Variants in RARB observed in about 807,000 individuals in gnomAD.
The protein encoded by RARB is HBV-activated protein.
RARB carries 17 observed loss-of-function variants against 51.9 expected under a neutral mutation model. That is an observed-to-expected ratio of 0.33 (90% confidence interval 0.22 to 0.49). The LOEUF (loss-of-function observed/expected upper bound fraction) is 0.49. Ranked by LOEUF, RARB falls within the 20% of genes least tolerant of loss-of-function variation. The probability of loss-of-function intolerance (pLI) is 0.99; values close to 1 mark genes in which losing one functional copy is unlikely to be tolerated. For missense variants in RARB, 369 were observed against 550.8 expected (o/e 0.67, Z 3.30); for synonymous variants, 215 against 195.4 (o/e 1.10, Z -0.84).
chr3:25,381,504 T>C (rs559997995), intron 5 of RARB, among the ~76,000 whole-genome samples: 13 of 152,334 alleles, frequency 8.5e-5, no homozygotes, highest in African/African-American at 2.9e-4. Flanking sequence ...TTAAATCTGT[T>C]AGTATATTTA....
At chr3:25,510,379 T>A (rs929572606) in intron 3 of RARB, among the ~76,000 whole-genome samples, 1 of 152,182 alleles carries the variant, frequency 6.6e-6, no homozygotes, top group African/African-American at 2.4e-5. Context: ...ATCCCAGCAC[T>A]TTGGGAGGCT....
At chr3:24,888,619 A>G (rs1703311667) in intron 2 of RARB, among the ~76,000 whole-genome samples, 1 of 152,158 alleles carries the variant, frequency 6.6e-6, no homozygotes, top group Non-Finnish European at 1.5e-5. Flanking sequence ...AAAAAATTTA[A>G]CTGTATAATG....
chr3:24,877,129 G>A (rs1352481529), intron 2 of RARB, among the ~76,000 whole-genome samples: 1 of 151,976 alleles, frequency 6.6e-6, no homozygotes, highest in African/African-American at 2.4e-5. Flanking sequence ...GATGCACAAT[G>A]TAAAAGTAAT....
intron 3 of RARB, among the ~76,000 whole-genome samples, chr3:25,568,206 G>C (rs990027229): frequency 6.6e-6 from 1 of 152,126 alleles, no homozygotes; most frequent in Non-Finnish European, 1.5e-5. Context: ...TGTCTAGAAG[G>C]GTGTTCTCTT....
intron 2 of RARB, among the ~76,000 whole-genome samples, chr3:25,018,098 C>T (rs888413421): frequency 1.3e-5 from 2 of 152,154 alleles, no homozygotes; most frequent in African/African-American, 4.8e-5. Context: ...GTTATTGCAA[C>T]CCAAACAGAC....
chr3:24,842,750 A>C (rs1433118679), intron 1 of RARB, among the ~76,000 whole-genome samples: 1 of 152,234 alleles, frequency 6.6e-6, no homozygotes, highest in East Asian at 1.9e-4. Context: ...CCTTTCTTCC[A>C]AGAACTTAAG....
At chr3:25,448,607 G>A (rs746259865) in intron 1 of RARB, among the ~76,000 whole-genome samples, 7 of 152,020 alleles carry the variant, frequency 4.6e-5, no homozygotes, top group African/African-American at 9.6e-5. Context: ...AGCTGGGATT[G>A]CAGGCATGCA....
intron 3 of RARB, among the ~76,000 whole-genome samples, chr3:25,082,701 G>T (rs536965871): frequency 6.6e-6 from 1 of 152,082 alleles, no homozygotes; most frequent in East Asian, 1.9e-4. Context: ...TATTGCTTAT[G>T]ATTACCCACA....
chr3:25,473,925 A>AAAAAAAAAAAG (rs763479260), intron 2 of RARB, among the ~76,000 whole-genome samples: 1 of 150,394 alleles, frequency 6.6e-6, no homozygotes, highest in Non-Finnish European at 1.5e-5. Flanking sequence ...TGGCAGGAAA[A>AAAAAAAAAAAG]AAAAAAAACC....
intron 3 of RARB, among the ~76,000 whole-genome samples, chr3:25,504,845 C>T (rs144551189): frequency 0.01 from 1,543 of 150,170 alleles, 15 homozygotes; most frequent in Middle Eastern, 0.041. Context: ...GCAACCTCCA[C>T]CTCCTGGGTT....
intron 2 of RARB, among the ~76,000 whole-genome samples, chr3:24,873,683 A>T (rs1559378727): frequency 1.3e-5 from 2 of 151,226 alleles, no homozygotes; most frequent in Admixed American, 6.6e-5. Flanking sequence ...TTCTAGATAT[A>T]CATATAATTT....
intron 2 of RARB, among the ~76,000 whole-genome samples, chr3:24,887,995 A>T (rs1002597075): frequency 1.3e-5 from 2 of 152,134 alleles, no homozygotes; most frequent in Non-Finnish European, 2.9e-5. Context: ...GCAACATGTG[A>T]GTGCCCATGG....
At chr3:25,465,938 C>G (rs1458895677) in intron 2 of RARB, among the ~76,000 whole-genome samples, 5 of 152,070 alleles carry the variant, frequency 3.3e-5, no homozygotes, top group Non-Finnish European at 7.4e-5. Flanking sequence ...TACATTTCAA[C>G]TTTTGTAGCT....
chr3:24,855,877 G>C (rs1324041442), intron 1 of RARB, among the ~76,000 whole-genome samples: 1 of 149,640 alleles, frequency 6.7e-6, no homozygotes, highest in South Asian at 2.1e-4. Flanking sequence ...TCAGCCTCCC[G>C]AGTAGCTGGG....
intron 5 of RARB, among the ~76,000 whole-genome samples, chr3:25,375,649 G>A (rs1015325485): frequency 2.0e-5 from 3 of 152,128 alleles, no homozygotes; most frequent in African/African-American, 7.2e-5. Flanking sequence ...AGGGGTCTAC[G>A]TTTCCATAGC....
intron 2 of RARB, among the ~76,000 whole-genome samples, chr3:24,933,181 A>G (rs1052090531): frequency 2.0e-5 from 3 of 152,088 alleles, no homozygotes; most frequent in South Asian, 2.1e-4. Context: ...TGCAAATCCT[A>G]TAAAAACATT....
intron 5 of RARB, among the ~76,000 whole-genome samples, chr3:25,383,736 T>C (rs1706702211): frequency 6.6e-6 from 1 of 151,912 alleles, no homozygotes; most frequent in South Asian, 2.1e-4. Flanking sequence ...ACGACCAGTC[T>C]GGCCAACATG....
chr3:24,832,720 T>C (rs1020408207), intron 1 of RARB, among the ~76,000 whole-genome samples: 1 of 149,420 alleles, frequency 6.7e-6, no homozygotes, highest in South Asian at 2.1e-4. Context: ...CAATAACATA[T>C]GAGAAGTGTC....
At chr3:25,254,701 A>C (rs565592794) in intron 5 of RARB, among the ~76,000 whole-genome samples, 1 of 152,258 alleles carries the variant, frequency 6.6e-6, no homozygotes, top group East Asian at 1.9e-4. Flanking sequence ...GTGCTGGATG[A>C]CTTGGTCGGT....
Sources: gnomAD v4.1 joint callset for allele counts (sites outside exome capture counted in the v4.1 genomes callset) on GRCh38, gnomAD v4.1.1 for gene constraint, MANE v1.5 for transcripts, NCBI Gene and HGNC (gene_info 2026-07-23, HGNC 2026-07-21) for gene names.